Variants in NHLH2 observed in about 807,000 individuals in gnomAD.
The protein encoded by NHLH2 is helix-loop-helix protein 2.
NHLH2 carries 7 observed loss-of-function variants against 7.3 expected under a neutral mutation model. The observed-to-expected ratio is 0.96, with a 90% CI of 0.55 to 1.81. The LOEUF (loss-of-function observed/expected upper bound fraction) is 1.81, where lower values mean the gene tolerates loss of function less well. Ranked by LOEUF, NHLH2 falls within the 40% of genes most tolerant of loss-of-function variation. The probability of loss-of-function intolerance (pLI) is 0.00; values close to 1 mark genes in which losing one functional copy is unlikely to be tolerated. For missense variants in NHLH2, 155 were observed against 194.0 expected, an observed-to-expected ratio of 0.80 and a Z score of 1.19; for synonymous variants, 93 against 91.6, an observed-to-expected ratio of 1.01 and a Z score of -0.09.
At chr1:115,838,845 T>G in intron 2 of NHLH2, 1 of 169,120 alleles carries the variant, frequency 5.9e-6, no homozygotes, top group Non-Finnish European at 1.4e-5. Flanking sequence ...CGGGGTGCAC[T>G]TCTCGCCCCG....
rs1293901765 is a variant in NHLH2 at position 115,838,133 on chromosome 1, C to A, written c.240G>T (p.Ser80=). Residue 80 remains serine, a synonymous_variant, in exon 3 of 3, where the codon TCG becomes TCT. Transcript: ENST00000320238. ...GGATGCGCTCGCGGGTGGCGTGGGC[C>A]GAGCGGTACTTGGCCGTGGCGCGCC... ...RRRRATAKYR[S]AHATRERIRV... is the part of the protein sequence containing the mutation. 30 of 1,601,540 alleles carry A rather than the reference C, an allele frequency of 1.9e-5. No homozygotes were observed. The highest frequency in any genetic ancestry group is 2.6e-5 in the Non-Finnish European group (30 of 1,175,174).
At chr1:115,835,726 G>A (rs926749000), downstream of NHLH2, among the ~76,000 whole-genome samples, 1 of 152,330 alleles carries the variant, frequency 6.6e-6, no homozygotes, top group Admixed American at 6.5e-5. Context: ...ATATGCATAT[G>A]TACATATAGT....
At chr1:115,834,829 G>C (rs187610835), downstream of NHLH2, among the ~76,000 whole-genome samples, 1 of 152,268 alleles carries the variant, frequency 6.6e-6, no homozygotes, top group East Asian at 1.9e-4. Flanking sequence ...AACAATGTTT[G>C]GCACACAGTG....
chr1:115,831,691 G>A (rs1278815436), downstream of NHLH2, among the ~76,000 whole-genome samples: 1 of 151,936 alleles, frequency 6.6e-6, no homozygotes, highest in East Asian at 1.9e-4. Flanking sequence ...GGCCTAGGGG[G>A]GGGCGGATCA....
rs1651037433 is a variant in NHLH2, at chr1:115,840,343, G to T, written c.-136C>A. ...TATTACATTCAAAAATGAAAAAGCA[G>T]CTGTCATCTCGCTGGTGTCCGCAGC... is the stretch of plus-strand genomic sequence containing the variant. On this transcript the variant is annotated 5_prime_UTR_variant, in exon 2 of 3. In the 5' UTR this introduces an upstream ATG that the reference lacks. Coordinates refer to ENST00000320238, the MANE Select transcript of NHLH2 (RefSeq NM_005599.3). The T allele has an allele frequency of 1.2e-5, 2 of 167,070 alleles. No individual in the cohort carries two copies. The highest frequency in any genetic ancestry group is 4.1e-4 in the South Asian group (2 of 4,830). The allele number at this position is 167,070 out of a possible 1,614,324, so 10.3% of individuals were successfully genotyped here.
downstream of NHLH2, among the ~76,000 whole-genome samples, chr1:115,832,304 T>C (rs1401452890): frequency 1.3e-5 from 2 of 152,178 alleles, no homozygotes; most frequent in African/African-American, 4.8e-5. Flanking sequence ...TCTTAGAAGA[T>C]GGGGATGATT....
At position 115,838,291 on chromosome 1, in the gene NHLH2, C is replaced by T; in HGVS notation, c.82G>A (p.Asp28Asn). The stretch of plus-strand genomic sequence containing the variant: ...GACACGCTGCCGAGCACCTTGGTGT[C>T]CGTGCCGCCCAGGGACTCCGGATCC... ...HSDPESLGGT[D>N]TKVLGSVSDL... is the part of the protein sequence containing the mutation. The change falls in exon 3 of 3, where the codon GAC becomes AAC. Residue 28 changes from aspartate to asparagine, a missense_variant. Asp to Asn is a conservative substitution (Grantham distance 23). Coordinates refer to ENST00000320238, the MANE Select transcript of NHLH2 (RefSeq NM_005599.3). 4 of 1,608,138 alleles carry T rather than the reference C, an allele frequency of 2.5e-6. No homozygotes were observed. The highest frequency in any genetic ancestry group is 3.4e-6 in the Non-Finnish European group (4 of 1,178,966).
At chr1:115,833,896 A>G (rs1650808117), downstream of NHLH2, among the ~76,000 whole-genome samples, 1 of 152,230 alleles carries the variant, frequency 6.6e-6, no homozygotes, top group African/African-American at 2.4e-5. Flanking sequence ...AGCCAGAGAC[A>G]GCAGTGAGGA....
downstream of NHLH2, among the ~76,000 whole-genome samples, chr1:115,835,928 C>T (rs1276913979): frequency 6.6e-6 from 1 of 152,016 alleles, no homozygotes. Flanking sequence ...GTAATACACA[C>T]CTTGTTCTTA....
At chr1:115,839,594 C>G (rs1002834282) in intron 2 of NHLH2, 4 of 166,944 alleles carry the variant, frequency 2.4e-5, no homozygotes, top group Non-Finnish European at 5.9e-5. Flanking sequence ...AGAAAGGGCC[C>G]GGCAGGAGGA....
downstream of NHLH2, among the ~76,000 whole-genome samples, chr1:115,834,493 G>A (rs1043161230): frequency 3.3e-5 from 5 of 152,160 alleles, no homozygotes; most frequent in East Asian, 1.9e-4. Flanking sequence ...TGTTTTGGTC[G>A]CATGAGCACT....
chr1:115,839,555 C>T (rs1651001548), intron 2 of NHLH2: 1 of 166,916 alleles, frequency 6.0e-6, no homozygotes, highest in Non-Finnish European at 1.5e-5. Flanking sequence ...CGCTCAGAAC[C>T]GCTGGGCTTC....
At chr1:115,836,051 A>G (rs1650863364), downstream of NHLH2, among the ~76,000 whole-genome samples, 1 of 152,112 alleles carries the variant, frequency 6.6e-6, no homozygotes, top group African/African-American at 2.4e-5. Flanking sequence ...TCCCAACTCT[A>G]ATTTGAAGAG....
At chr1:115,831,623 T>G (rs1181992302), downstream of NHLH2, among the ~76,000 whole-genome samples, 1 of 152,134 alleles carries the variant, frequency 6.6e-6, no homozygotes, top group Non-Finnish European at 1.5e-5. Context: ...ATCTTAAAAA[T>G]GTACCCCTTG....
downstream of NHLH2, among the ~76,000 whole-genome samples, chr1:115,832,251 T>C (rs114845948): frequency 5.2e-4 from 79 of 152,306 alleles, no homozygotes; most frequent in African/African-American, 1.9e-3. Context: ...TGTGCATGTG[T>C]GGTGTATTCC....
rs1432851858 is a variant in NHLH2, at chr1:115,837,950, G to A, written c.*15C>T. On this transcript the variant is annotated 3_prime_UTR_variant, in exon 3 of 3. Transcript: ENST00000320238. Reference sequence around the variant, plus strand: ...CGGACGCCGGGACAGGCGGCCCCCCGCGGCGCACCCCGCCCTACACGTCCA... The same window carrying A: ...CGGACGCCGGGACAGGCGGCCCCCCACGGCGCACCCCGCCCTACACGTCCA... The A allele has an allele frequency of 1.9e-6, 3 of 1,587,606 alleles. No homozygotes were observed. Among genetic ancestry groups the A allele is most frequent in the Non-Finnish European group, 2.6e-6 (3 of 1,169,558 alleles).
downstream of NHLH2, among the ~76,000 whole-genome samples, chr1:115,835,653 A>T (rs1416737944): frequency 3.3e-5 from 5 of 152,216 alleles, no homozygotes; most frequent in Non-Finnish European, 7.3e-5. Context: ...CATCCATCTA[A>T]CTGCATTTAC....
intron 2 of NHLH2, 75 bp from the exon 3 acceptor site, chr1:115,838,455 C>G (rs1650949107): frequency 2.0e-6 from 3 of 1,498,596 alleles, no homozygotes; most frequent in Non-Finnish European, 2.7e-6. Context: ...CCGAGGCCTA[C>G]CACGCCGGTC....
Position 115,838,211 on chromosome 1 carries a change from G to C in NHLH2, c.162C>G (p.Ala54=). 6.4e-7 allele frequency: 1 copy of C among 1,559,664 alleles called. No homozygotes were observed. Among genetic ancestry groups the C allele is most frequent in the Non-Finnish European group, 8.7e-7 (1 of 1,154,582 alleles). ...GCTGCTGCGGGTGCGGGTAGAGCGCGGCTCGGCTGCCGCCCTTGCCGTCGC... is the reference window on the plus strand; with the variant it reads ...GCTGCTGCGGGTGCGGGTAGAGCGCCGCTCGGCTGCCGCCCTTGCCGTCGC... ...AEGDGKGGSR[A]ALYPHPQQLS... The change falls in exon 3 of 3, where the codon GCC becomes GCG. Residue 54 remains alanine (A), a synonymous_variant. Coordinates refer to ENST00000320238, the MANE Select transcript of NHLH2 (RefSeq NM_005599.3).
Sources: allele counts gnomAD v4.1 joint callset (sites outside exome capture counted in the v4.1 genomes callset), GRCh38; gene constraint gnomAD v4.1.1; transcripts MANE v1.5; gene names NCBI Gene and HGNC (gene_info 2026-07-23, HGNC 2026-07-21).